Variants in PPP1R37 observed in about 807,000 individuals in gnomAD.
PPP1R37 encodes the protein protein phosphatase 1 regulatory subunit 37.
In PPP1R37, 21 loss-of-function variants were observed where a neutral mutation model predicts 61.0. The ratio of observed to expected loss-of-function variants is 0.34; its 90% CI spans 0.24 to 0.50. PPP1R37 has a LOEUF of 0.50. PPP1R37 is among the 20% of genes least tolerant of loss of function. The pLI, the probability that PPP1R37 is intolerant of heterozygous loss-of-function variation, is 0.98. For synonymous variants in PPP1R37, 443 were observed against 433.5 expected, an observed-to-expected ratio of 1.02 and a Z score of -0.27; for missense variants, 910 against 952.7, an observed-to-expected ratio of 0.96 and a Z score of 0.59.
intron 1 of PPP1R37, among the ~76,000 whole-genome samples, chr19:45,099,740 G>A (rs957902247): frequency 3.3e-5 from 5 of 152,256 alleles, no homozygotes; most frequent in African/African-American, 9.6e-5. Flanking sequence ...AGGAGGGCTC[G>A]GGCACGGGAC....
At chr19:45,125,219 C>T (rs1968389399) in intron 1 of PPP1R37, among the ~76,000 whole-genome samples, 3 of 152,080 alleles carry the variant, frequency 2.0e-5, no homozygotes, top group African/African-American at 2.4e-5. Context: ...AATCCCAGCA[C>T]TTTGGGAGGC....
intron 2 of PPP1R37, 71 bp from the exon 3 acceptor site, chr19:45,140,165 C>T (rs970287724): frequency 7.6e-5 from 103 of 1,347,322 alleles, no homozygotes; most frequent in Non-Finnish European, 1.8e-5. Context: ...TCAGGCATAG[C>T]AGCCATTTGG....
rs893374618 is a variant in PPP1R37, at chr19:45,130,018, G to A, written c.203-8496G>A. Among the ~76,000 whole-genome samples, 8 of 152,150 alleles carry A rather than the reference G, an allele frequency of 5.3e-5. No homozygotes were observed. Among genetic ancestry groups the A allele is most frequent in the Non-Finnish European group, 1.2e-4 (8 of 68,026 alleles). ...AAAGGATGTCTCTTGGGGTGGCTGG[G>A]GGGCTTCTGTGGGGTCCAGGCAGCA... is the stretch of plus-strand genomic sequence containing the variant. On this transcript the variant is annotated intron_variant, in intron 1 of 12. Coordinates refer to ENST00000221462, the MANE Select transcript of PPP1R37 (RefSeq NM_019121.2). The surrounding 1 kb of genome is among the most constrained non-coding windows in gnomAD (Gnocchi z 4.4).
At chr19:45,101,421 T>TA (rs538525625) in intron 1 of PPP1R37, among the ~76,000 whole-genome samples, 57 of 152,176 alleles carry the variant, frequency 3.7e-4, no homozygotes, top group African/African-American at 1.3e-3. Flanking sequence ...CCAGAGGGCT[T>TA]AAGAAGGGGC....
intron 1 of PPP1R37, chr19:45,128,656 T>TCGTGGTGCTCAAAGGCTGGCCCTGTAA: frequency 8.1e-7 from 1 of 1,236,196 alleles, no homozygotes; most frequent in South Asian, 1.2e-5. Flanking sequence ...AACACTGGCT[T>TCGTGGTGCTCAAAGGCTGGCCCTGTAA]CGTGGTGCTC....
chr19:45,138,008 A>C (rs919766409), intron 1 of PPP1R37, among the ~76,000 whole-genome samples: 1 of 152,082 alleles, frequency 6.6e-6, no homozygotes, highest in Non-Finnish European at 1.5e-5. Context: ...GTGACAGTGC[A>C]AGCGTTTGGT....
rs573947533 is a variant in PPP1R37, at chr19:45,146,362, G to A, written c.1994-28G>A. 119 of 1,529,558 alleles carry A rather than the reference G, an allele frequency of 7.8e-5. No individual in the cohort carries two copies. In the African/African-American group the frequency reaches 1.4e-3, roughly 18 times the overall value. The allele number at this position is 1,529,558 out of a possible 1,614,324, so 94.7% of individuals were successfully genotyped here. ...GTTGTATTTGCCCCACCCGCCTGAC[G>A]GGGGTGCTGGCCCGTCCTCCCACAC... On this transcript the variant is annotated intron_variant, in intron 11 of 12. Coordinates refer to ENST00000221462, the MANE Select transcript of PPP1R37 (RefSeq NM_019121.2).
chr19:45,119,145 C>T (rs1218388062), intron 1 of PPP1R37, among the ~76,000 whole-genome samples: 13 of 150,638 alleles, frequency 8.6e-5, no homozygotes, highest in African/African-American at 2.9e-4. Flanking sequence ...CGTGCCACAA[C>T]ACCCGTCTAA....
At chr19:45,140,764 C>A in intron 4 of PPP1R37, 158 bp downstream of exon 4, 1 of 615,214 alleles carries the variant, frequency 1.6e-6, no homozygotes, top group Non-Finnish European at 2.9e-6. Flanking sequence ...GGGAGACATC[C>A]AATATGACCA....
chr19:45,126,211 G>A (rs1277365947), intron 1 of PPP1R37, among the ~76,000 whole-genome samples: 1 of 152,238 alleles, frequency 6.6e-6, no homozygotes, highest in Non-Finnish European at 1.5e-5. Context: ...GAGGTGGAAC[G>A]ATGGTGATGG....
chr19:45,144,772 C>T (rs1029358041), intron 8 of PPP1R37, 82 bp from the exon 9 acceptor site: 4 of 1,255,064 alleles, frequency 3.2e-6, no homozygotes, highest in Non-Finnish European at 4.3e-6. Flanking sequence ...TGGCTCTCTT[C>T]CCGGCTTCTT....
intron 1 of PPP1R37, among the ~76,000 whole-genome samples, chr19:45,104,332 G>A (rs1279828917): frequency 6.6e-6 from 1 of 152,148 alleles, no homozygotes; most frequent in African/African-American, 2.4e-5. Flanking sequence ...ACCACTGAAC[G>A]CCTCCAGGAA....
intron 1 of PPP1R37, among the ~76,000 whole-genome samples, chr19:45,133,750 C>T (rs1309837956): frequency 6.6e-6 from 1 of 152,216 alleles, no homozygotes; most frequent in Non-Finnish European, 1.5e-5. Flanking sequence ...CACCTGCTTC[C>T]TGCTGCCTTA....
chr19:45,145,369 A>G lies in PPP1R37; in HGVS notation c.1313A>G (p.Glu438Gly), dbSNP rs1968676136. 6.5e-7 allele frequency: 1 copy of G among 1,534,960 alleles called. No individual in the cohort carries two copies. Among genetic ancestry groups the G allele is most frequent in the South Asian group, 1.2e-5 (1 of 84,032 alleles). The change falls in exon 11 of 13, where the codon GAG (glutamate) becomes GGG (glycine). Residue 438 changes from glutamate (E) to glycine (G), a missense_variant. By Grantham distance (98) the Glu-to-Gly change is moderately conservative. Coordinates refer to ENST00000221462, the MANE Select transcript of PPP1R37 (RefSeq NM_019121.2). The stretch of plus-strand genomic sequence containing the variant: ...CCGCCACAGGTGAAGAGCTTCATCG[A>G]GACGCAGAAGGCGCTGCTGGCCGAG... The part of the protein sequence containing the change: ...PKKEAVKSFI[E>G]TQKALLAEIQ...
intron 1 of PPP1R37, among the ~76,000 whole-genome samples, chr19:45,117,630 C>T (rs568914302): frequency 7.2e-5 from 11 of 152,296 alleles, no homozygotes; most frequent in African/African-American, 2.2e-4. Context: ...ACCAGGTCTT[C>T]TGTGTGCCTA....
At chr19:45,127,986 A>T (rs573691890) in intron 1 of PPP1R37, among the ~76,000 whole-genome samples, 53 of 152,086 alleles carry the variant, frequency 3.5e-4, no homozygotes, top group Middle Eastern at 3.4e-3. Context: ...AAAAAAAAAA[A>T]AAAAAAAGAT....
chr19:45,106,490 C>T (rs141093143), intron 1 of PPP1R37, among the ~76,000 whole-genome samples: 1,945 of 152,128 alleles, frequency 0.013, 46 homozygotes, highest in African/African-American at 0.044. Flanking sequence ...ATGATCCACC[C>T]GCCTCGGCCT....
intron 1 of PPP1R37, among the ~76,000 whole-genome samples, chr19:45,098,200 C>A (rs1968017999): frequency 6.6e-6 from 1 of 150,466 alleles, no homozygotes; most frequent in African/African-American, 2.5e-5. Flanking sequence ...CCAGGCTGGG[C>A]ACGTGGGTGC....
At chr19:45,093,552 G>T (rs774165292) in intron 1 of PPP1R37, 25 bp downstream of exon 1, 4 of 1,522,288 alleles carry the variant, frequency 2.6e-6, no homozygotes, top group South Asian at 2.4e-5. Context: ...TGAAGCGGGG[G>T]CGGGCTCGAG....
Sources: gnomAD v4.1 joint callset for allele counts (sites outside exome capture counted in the v4.1 genomes callset) on GRCh38, gnomAD v4.1.1 for gene constraint, Gnocchi (gnomAD v3.1) non-coding constraint, MANE v1.5 for transcripts, NCBI Gene and HGNC (gene_info 2026-07-23, HGNC 2026-07-21) for gene names.